Variants in ZNF534 observed in about 807,000 individuals in gnomAD.
ZNF534 encodes KRAB domain only 3.
A neutral mutation model predicts 13.6 loss-of-function variants in ZNF534; 19 were observed. The observed-to-expected ratio is 1.40, with a 90% confidence interval of 0.97 to 2.05. ZNF534 has a LOEUF of 2.05. ZNF534 is among the 30% of genes most tolerant of loss of function. The probability of loss-of-function intolerance (pLI) is 0.00; values close to 1 mark genes in which losing one functional copy is unlikely to be tolerated. For missense variants in ZNF534, 782 were observed against 796.3 expected, an observed-to-expected ratio of 0.98 and a Z score of 0.22; for synonymous variants, 244 against 273.8, an observed-to-expected ratio of 0.89 and a Z score of 1.07.
Position 52,450,681 on chromosome 19 carries a change from T to TTG in ZNF534, c.272-505_272-504insGT, listed in dbSNP as rs1568450487. 6.6e-3 allele frequency among the ~76,000 whole-genome samples: 180 copies of TTG among 27,468 alleles called. 3 individuals carry two copies. The highest frequency in any genetic ancestry group is 0.013 in the Non-Finnish European group (142 of 11,082). 18.0% of individuals were successfully genotyped at this position (27,468 alleles called of 152,430 possible). ...TATGAATTTTAGGAGTTTTTTTTTT[T>TTG]TTTGTTTTTGTTTTTGTTTTTTTTT... On this transcript the variant is annotated intron_variant, in intron 4 of 4. Transcript: ENST00000301085.
chr19:52,451,161 CACTGTTTATAATTTTCT>C (rs749777889), intron 4 of ZNF534: 1 of 641,432 alleles, frequency 1.6e-6, no homozygotes, highest in East Asian at 2.8e-5. Context: ...CTTCTTTCAT[CACTGTTTATAATTTTCT>C]ACCCATAGAT....
Position 52,438,753 on chromosome 19 carries a change from C to G in ZNF534, c.1293C>G (p.Ile431Met). ...CAGATCTCACTGCCCATCTTCTAAT[C>G]CATACTGGAGAGAAACCTTACGAAT... ...TCSDLTAHLL[I>M]HTGEKPYECI... Residue 431 changes from isoleucine to methionine, a missense_variant, in exon 5 of 5, where the codon ATC becomes ATG. Ile to Met is a conservative substitution (Grantham distance 10). Coordinates refer to ENST00000433050, the MANE Select transcript of ZNF534 (RefSeq NM_001143938.3). The G allele has an allele frequency of 6.2e-7, 1 of 1,601,178 alleles. No individual in the cohort carries two copies. The highest frequency in any genetic ancestry group is 2.3e-5 in the East Asian group (1 of 44,108).
chr19:52,438,122 A>G lies in ZNF534; in HGVS notation c.662A>G (p.Glu221Gly). The G allele has an allele frequency of 1.9e-6, 3 of 1,614,076 alleles. No homozygotes were observed. Among genetic ancestry groups the G allele is most frequent in the Non-Finnish European group, 2.5e-6 (3 of 1,179,976 alleles). ...ACTTACAAATGTAGTGACTGTGGCG[A>G]GATCTTTAGTAGCAATTCAAACTTT... ...DKTYKCSDCG[E>G]IFSSNSNFAQ... Residue 221 changes from glutamate (E) to glycine (G), a missense_variant, in exon 5 of 5, where the codon GAG (glutamate) becomes GGG (glycine). Physicochemically the swap from Glu to Gly is moderately conservative, Grantham distance 98. Transcript: ENST00000433050.
Position 52,433,953 on chromosome 19 carries a change from A to G in ZNF534, c.16-2A>G, listed in dbSNP as rs1302750381. ...GTTTTTGAAATGTGGATTTCCTTTTAGGGGCAATTGTCATTCAGCGATGTG... is the reference window on the plus strand; with the variant it reads ...GTTTTTGAAATGTGGATTTCCTTTTGGGGGCAATTGTCATTCAGCGATGTG... On this transcript the variant is annotated splice_acceptor_variant, in intron 2 of 4. Coordinates refer to ENST00000433050, the MANE Select transcript of ZNF534 (RefSeq NM_001143938.3). LOFTEE classifies it high-confidence loss of function. 6.2e-7 allele frequency: 1 copy of G among 1,613,804 alleles called. No homozygotes were observed. The highest frequency in any genetic ancestry group is 1.7e-5 in the Admixed American group (1 of 60,012).
rs201011397 is a variant in ZNF534, at chr19:52,450,186, CA to C, written c.272-999del. ...AGAATCTTTTTAGTTTAATATAATC[CA>C]ATTTGTCTATTTTTGCCCTTGTTGC... On this transcript the variant is annotated intron_variant, in intron 4 of 4. Transcript: ENST00000301085. Among the ~76,000 whole-genome samples, 965 of 151,986 alleles carry C rather than the reference CA, an allele frequency of 6.3e-3. 5 individuals carry two copies. Among genetic ancestry groups the C allele is most frequent in the African/African-American group, 0.021 (858 of 41,448 alleles).
chr19:52,445,197 A>ATTTT (rs3054888), downstream of ZNF534, among the ~76,000 whole-genome samples: 1 of 143,266 alleles, frequency 7.0e-6, no homozygotes, highest in African/African-American at 2.6e-5. Flanking sequence ...CACTCAGCTA[A>ATTTT]TTTTTTTTTT....
chr19:52,439,117 A>G lies in ZNF534; in HGVS notation c.1657A>G (p.Asn553Asp), dbSNP rs1568446096. 2 of 1,595,910 alleles carry G rather than the reference A, an allele frequency of 1.3e-6. No homozygotes were observed. The highest frequency in any genetic ancestry group is 8.5e-7 in the Non-Finnish European group (1 of 1,170,596). ...VHTGEKPYSC[N>D]ECGKVFSRNS... ...TACTGGAGAAAAGCCTTACAGTTGT[A>G]ATGAATGTGGCAAGGTCTTCAGTCG... Residue 553 changes from asparagine to aspartate, a missense_variant, in exon 5 of 5, where the codon AAT (asparagine) becomes GAT (aspartate). Around this residue, in one of 5 missense-constraint regions of ZNF534, gnomAD observed 591 missense variants for 574.0 expected, o/e 1.03. Coordinates refer to ENST00000433050, the MANE Select transcript of ZNF534 (RefSeq NM_001143938.3).
At chr19:52,433,925 CCT>C (rs2059109872) in intron 2 of ZNF534, 28 bp from the exon 3 acceptor site, 3 of 1,612,806 alleles carry the variant, frequency 1.9e-6, no homozygotes, top group Non-Finnish European at 2.5e-6. Flanking sequence ...CTCTCCATAC[CCT>C]GTTTTTGAAA....
chr19:52,435,933 CTTCTTCT>C (rs1166720666), intron 4 of ZNF534, among the ~76,000 whole-genome samples: 4,980 of 17,470 alleles, frequency 0.29, 503 homozygotes, highest in African/African-American at 0.33. Flanking sequence ...TATTTTTCTT[CTTCTTCT>C]TTTTTTTTTT....
intron 2 of ZNF534, among the ~76,000 whole-genome samples, chr19:52,431,888 C>G (rs1027455060): frequency 6.0e-5 from 9 of 150,294 alleles, no homozygotes; most frequent in Non-Finnish European, 1.2e-4. Flanking sequence ...GAGTCTCGCA[C>G]TGTTGCCCAG....
At chr19:52,433,860 T>C (rs1377532018) in intron 2 of ZNF534, 95 bp from the exon 3 acceptor site, 1 of 1,444,220 alleles carries the variant, frequency 6.9e-7, no homozygotes, top group South Asian at 1.1e-5. Context: ...CAGTGCTCGC[T>C]TCAGTGGAGT....
At chr19:52,451,473 T>C (rs1018998288) in exon 5 of ZNF534, 4 of 572,750 alleles carry the variant, frequency 7.0e-6, no homozygotes, top group Admixed American at 3.5e-5. Context: ...GTTGGCCGCC[T>C]GAGCAGAGGC....
exon 5 of ZNF534, chr19:52,451,910 ATC>A: frequency 1.8e-6 from 1 of 542,242 alleles, no homozygotes; most frequent in East Asian, 4.2e-5. Flanking sequence ...CCAAAAGGGG[ATC>A]AGGAGGTTTT....
chr19:52,443,896 CTATT>C (rs1297942660), downstream of ZNF534, among the ~76,000 whole-genome samples: 3 of 151,998 alleles, frequency 2.0e-5, no homozygotes, highest in East Asian at 1.9e-4. Context: ...TTTATTTATG[CTATT>C]TATTTAACTG....
chr19:52,446,730 T>C (rs903421638), downstream of ZNF534, among the ~76,000 whole-genome samples: 10 of 152,156 alleles, frequency 6.6e-5, no homozygotes, highest in African/African-American at 2.2e-4. Flanking sequence ...TAGTAGTACA[T>C]GCCTGATGTC....
At chr19:52,449,942 C>G (rs956698671) in intron 4 of ZNF534, among the ~76,000 whole-genome samples, 1 of 152,088 alleles carries the variant, frequency 6.6e-6, no homozygotes, top group African/African-American at 2.4e-5. Flanking sequence ...ATTGCTTGAA[C>G]CCGGGAAGGC....
rs759377851 is a variant in ZNF534, at chr19:52,438,149, CACA to C, written c.693_695del (p.Gln231del). The C allele has an allele frequency of 6.2e-7, 1 of 1,614,032 alleles. No homozygotes were observed. Among genetic ancestry groups the C allele is most frequent in the Non-Finnish European group, 8.5e-7 (1 of 1,179,960 alleles). On this transcript the variant is annotated inframe_deletion, in exon 5 of 5. Transcript: ENST00000433050. ...ATCTTTAGTAGCAATTCAAACTTTG[CACA>C]ACATCAACGAATCCATACTGGAGAG...
chr19:52,447,316 A>G (rs2059197881), downstream of ZNF534, among the ~76,000 whole-genome samples: 1 of 152,212 alleles, frequency 6.6e-6, no homozygotes, highest in Non-Finnish European at 1.5e-5. Flanking sequence ...ATATTCTGTT[A>G]ATGGCTATAC....
At position 52,441,071 on chromosome 19, in the gene ZNF534, A is replaced by T. The variant is rs1457019312; in HGVS notation, c.*1625A>T. Among the ~76,000 whole-genome samples, 2 of 151,990 alleles carry T rather than the reference A, an allele frequency of 1.3e-5. No homozygotes were observed. The highest frequency in any genetic ancestry group is 2.4e-5 in the African/African-American group (1 of 41,406). On this transcript the variant is annotated 3_prime_UTR_variant, in exon 5 of 5. Coordinates refer to ENST00000433050, the MANE Select transcript of ZNF534 (RefSeq NM_001143938.3). ...CACATGATGCCATCATGCCTGGCTA[A>T]TTTTTTGTATTTTTAGTAGAGACGG...
Sources: gnomAD v4.1 joint callset for allele counts (sites outside exome capture counted in the v4.1 genomes callset) on GRCh38, gnomAD v4.1.1 for gene constraint, gnomAD v4.1.1 regional missense constraint, MANE v1.5 for transcripts, NCBI Gene and HGNC (gene_info 2026-07-23, HGNC 2026-07-21) for gene names.